Variants in CSMD1 observed in about 807,000 individuals in gnomAD.
CSMD1 encodes the protein CUB and sushi domain-containing protein 1.
CSMD1 carries 213 observed loss-of-function variants against 417.5 expected under a neutral mutation model. That is an observed-to-expected ratio of 0.51 (90% CI 0.46 to 0.57). The LOEUF is 0.57. Among genes scored for constraint, CSMD1 ranks in the 20% least tolerant of loss-of-function variants. The pLI is 0.00. For synonymous variants in CSMD1, 2,862 were observed against 1,736.8 expected (o/e 1.65, Z -16.11); for missense variants, 6,923 against 4,529.7 (o/e 1.53, Z -15.17).
At chr8:3,071,660 T>A (rs1162121765) in intron 49 of CSMD1, among the ~76,000 whole-genome samples, 1 of 152,230 alleles carries the variant, frequency 6.6e-6, no homozygotes, top group African/African-American at 2.4e-5. Context: ...TTCATTCCAT[T>A]TGAATGCATA....
intron 41 of CSMD1, among the ~76,000 whole-genome samples, chr8:3,126,974 T>C (rs147519886): frequency 6.6e-6 from 1 of 152,182 alleles, no homozygotes; most frequent in Non-Finnish European, 1.5e-5. Flanking sequence ...CAGCTTTTGG[T>C]TCAGAGGAAT....
intron 52 of CSMD1, among the ~76,000 whole-genome samples, chr8:3,000,876 T>C (rs1348924723): frequency 1.3e-5 from 2 of 152,166 alleles, no homozygotes; most frequent in Admixed American, 1.3e-4. Flanking sequence ...AGAATGTCCA[T>C]GTAGATAGTA....
chr8:3,695,147 G>A (rs1390717328), intron 7 of CSMD1, among the ~76,000 whole-genome samples: 1 of 148,994 alleles, frequency 6.7e-6, no homozygotes, highest in African/African-American at 2.5e-5. Context: ...CAAGGATATT[G>A]CAGGAGCACA....
intron 5 of CSMD1, among the ~76,000 whole-genome samples, chr8:3,912,480 T>C (rs974863569): frequency 1.3e-5 from 2 of 152,138 alleles, no homozygotes; most frequent in Non-Finnish European, 2.9e-5. Context: ...TGCGTGCTCC[T>C]AGACCCTCAA....
chr8:2,960,780 G>C (rs1156782948), intron 62 of CSMD1, among the ~76,000 whole-genome samples: 2 of 151,830 alleles, frequency 1.3e-5, no homozygotes, highest in Non-Finnish European at 1.5e-5. Flanking sequence ...TTTATGGGTA[G>C]CTAATCAGTG....
intron 23 of CSMD1, among the ~76,000 whole-genome samples, chr8:3,314,894 C>G (rs545666812): frequency 1.3e-5 from 2 of 152,188 alleles, no homozygotes; most frequent in South Asian, 2.1e-4. Context: ...GGCTGAACAA[C>G]GAGCTCACAG....
At position 3,547,093 on chromosome 8, in the gene CSMD1, G is replaced by C. The variant is rs116280058; in HGVS notation, c.1344+27852C>G. On this transcript the variant is annotated intron_variant, in intron 10 of 69. Coordinates refer to ENST00000635120, the MANE Select transcript of CSMD1 (RefSeq NM_033225.6). ...TGACTTAGACAGCAGGACCAATAAC[G>C]TGGGCTACAGGTTGGCCAACCCTCA... Among the ~76,000 whole-genome samples, 23 of 152,238 alleles carry C rather than the reference G, an allele frequency of 1.5e-4. No homozygotes were observed. The South Asian group carries it at 3.3e-3, about 22-fold the overall frequency.
chr8:4,211,957 C>T (rs1249384458), intron 3 of CSMD1, among the ~76,000 whole-genome samples: 1 of 152,122 alleles, frequency 6.6e-6, no homozygotes, highest in Non-Finnish European at 1.5e-5. Context: ...GTATTCCTAT[C>T]TTAGAGACAT....
chr8:4,676,701 C>A (rs1426349981), intron 1 of CSMD1, among the ~76,000 whole-genome samples: 13 of 151,948 alleles, frequency 8.6e-5, no homozygotes, highest in Admixed American at 7.2e-4. Context: ...ATCAATGTCA[C>A]GTCATAGTTT....
intron 1 of CSMD1, among the ~76,000 whole-genome samples, chr8:4,894,872 G>A (rs927548147): frequency 3.3e-5 from 5 of 152,084 alleles, no homozygotes; most frequent in African/African-American, 4.8e-5. Flanking sequence ...GACTTTATAT[G>A]TTATTGTTCA....
chr8:3,136,315 G>A (rs192151491), intron 41 of CSMD1, among the ~76,000 whole-genome samples: 4 of 147,528 alleles, frequency 2.7e-5, no homozygotes, highest in African/African-American at 1.0e-4. Flanking sequence ...GGAGTGCAAT[G>A]GCATGATCTC....
intron 3 of CSMD1, among the ~76,000 whole-genome samples, chr8:4,117,241 G>C (rs5016255): frequency 0.042 from 5,146 of 122,916 alleles, 114 homozygotes; most frequent in Middle Eastern, 0.12. Context: ...GTTTCTGTCT[G>C]CTTTCCTCTC....
chr8:3,861,481 G>T (rs182068815), intron 5 of CSMD1, among the ~76,000 whole-genome samples: 1 of 152,142 alleles, frequency 6.6e-6, no homozygotes, highest in East Asian at 1.9e-4. Context: ...CCATAGATTT[G>T]GACTCGTGAG....
At chr8:4,644,287 G>A (rs1328123692) in intron 1 of CSMD1, among the ~76,000 whole-genome samples, 1 of 152,164 alleles carries the variant, frequency 6.6e-6, no homozygotes, top group Admixed American at 6.5e-5. Flanking sequence ...CCAGCTACCC[G>A]AAATGAGCTT....
At chr8:3,889,485 ATATATAT>A (rs1563181294) in intron 5 of CSMD1, among the ~76,000 whole-genome samples, 12 of 113,034 alleles carry the variant, frequency 1.1e-4, no homozygotes, top group African/African-American at 4.4e-4. Context: ...ATATATATAT[ATATATAT>A]AAAATATGCT....
At chr8:3,659,522 G>T (rs1373260343) in intron 7 of CSMD1, among the ~76,000 whole-genome samples, 1 of 152,160 alleles carries the variant, frequency 6.6e-6, no homozygotes, top group Non-Finnish European at 1.5e-5. Context: ...CTCTTTGCCA[G>T]CTGTCCTGGG....
rs189649937 is a variant in CSMD1, at chr8:3,290,948, A to G, written c.3951-6602T>C. Among the ~76,000 whole-genome samples the G allele has an allele frequency of 7.0e-4, 106 of 152,206 alleles. 1 individual carries two copies. The highest frequency in any genetic ancestry group is 2.4e-3 in the African/African-American group (99 of 41,512). On this transcript the variant is annotated intron_variant, in intron 25 of 69. Transcript: ENST00000635120. ...TCCAGTTTTTCCCATTCAGTATGAT[A>G]TTGGCTGTGGGTTTGTCATAGATAG...
chr8:4,929,468 T>C (rs143747040), intron 1 of CSMD1, among the ~76,000 whole-genome samples: 1 of 152,134 alleles, frequency 6.6e-6, no homozygotes, highest in South Asian at 2.1e-4. Context: ...TAACTATGCA[T>C]AGGGTCGTGA....
At chr8:3,278,292 T>C (rs552196820) in intron 26 of CSMD1, 40 of 152,328 alleles carry the variant, frequency 2.6e-4, no homozygotes, top group Admixed American at 2.5e-3. Context: ...TTTTTTAAAA[T>C]GTACTTCAAA....
Sources: allele counts gnomAD v4.1 joint callset (sites outside exome capture counted in the v4.1 genomes callset), GRCh38; gene constraint gnomAD v4.1.1; transcripts MANE v1.5; gene names NCBI Gene and HGNC (gene_info 2026-07-23, HGNC 2026-07-21).